NEBL: variants seen among roughly 807,000 people sequenced by gnomAD.
The protein encoded by NEBL is LIM and SH3 protein 2.
A neutral mutation model predicts 140.2 loss-of-function variants in NEBL; 122 were observed. The observed-to-expected ratio is 0.87, with a 90% CI of 0.75 to 1.01. The LOEUF (loss-of-function observed/expected upper bound fraction) is 1.01, where lower values mean the gene tolerates loss of function less well. Among genes scored for constraint, NEBL ranks in the 50% least tolerant of loss-of-function variants. The pLI is 0.00. For synonymous variants in NEBL, 436 were observed against 398.9 expected (o/e 1.09, Z -1.11); for missense variants, 1,365 against 1,231.3 (o/e 1.11, Z -1.62).
chr10:21,057,110 A>G (rs910337874), intron 2 of NEBL, among the ~76,000 whole-genome samples: 1 of 152,184 alleles, frequency 6.6e-6, no homozygotes, highest in South Asian at 2.1e-4. Context: ...AGATAAAACA[A>G]GTGGTTAAGC....
intron 4 of NEBL, among the ~76,000 whole-genome samples, chr10:20,949,114 T>C (rs1835318587): frequency 6.6e-6 from 1 of 152,194 alleles, no homozygotes; most frequent in African/African-American, 2.4e-5. Context: ...ACTTCCTCTT[T>C]TCCTATTTGA....
chr10:21,048,920 G>A (rs1199821569), intron 2 of NEBL, among the ~76,000 whole-genome samples: 1 of 152,186 alleles, frequency 6.6e-6, no homozygotes, highest in Non-Finnish European at 1.5e-5. Flanking sequence ...GAGGCAGGGA[G>A]AATTGCTTGA....
At chr10:20,827,239 C>T (rs189246067) in intron 17 of NEBL, among the ~76,000 whole-genome samples, 3 of 152,266 alleles carry the variant, frequency 2.0e-5, no homozygotes, top group Admixed American at 1.3e-4. Flanking sequence ...AATCCAGTGG[C>T]CCCCGCGTGG....
intron 2 of NEBL, chr10:21,172,302 A>C (rs764103050): frequency 3.7e-6 from 4 of 1,077,070 alleles, no homozygotes; most frequent in Non-Finnish European, 4.3e-6. Flanking sequence ...ACAGTGAGTC[A>C]GTTCTTCAAA....
intron 20 of NEBL, chr10:20,818,789 G>A (rs1389027357): frequency 3.0e-6 from 3 of 986,936 alleles, no homozygotes; most frequent in Non-Finnish European, 3.6e-6. Flanking sequence ...ACACAGCTAA[G>A]GTACAGCAAC....
At chr10:20,954,780 G>T (rs1459537512) in intron 4 of NEBL, among the ~76,000 whole-genome samples, 1 of 152,166 alleles carries the variant, frequency 6.6e-6, no homozygotes, top group African/African-American at 2.4e-5. Flanking sequence ...GGGCAGGCTG[G>T]TTGGAGTTTT....
intron 2 of NEBL, among the ~76,000 whole-genome samples, chr10:21,024,080 A>C (rs559163413): frequency 1.3e-5 from 2 of 152,226 alleles, no homozygotes; most frequent in East Asian, 3.9e-4. Context: ...AAAAAAAAAA[A>C]AACATTGAAA....
chr10:20,901,278 G>C (rs1847858600), upstream of NEBL, among the ~76,000 whole-genome samples: 1 of 152,082 alleles, frequency 6.6e-6, no homozygotes, highest in African/African-American at 2.4e-5. Flanking sequence ...TTACACGTAA[G>C]CAAATGTATT....
intron 26 of NEBL, among the ~76,000 whole-genome samples, chr10:20,806,668 A>C (rs1333420710): frequency 6.6e-6 from 1 of 152,186 alleles, no homozygotes; most frequent in African/African-American, 2.4e-5. Context: ...CCAGCCTCTA[A>C]GCCCCTTACA....
At position 20,788,216 on chromosome 10, in the gene NEBL, A is replaced by G. The variant is rs1200464836; in HGVS notation, c.2762-908T>C. ...CTGTGACCAGAAACATGAGCTATAA[A>G]TGAGGGTATTTTCGTAGCGTGCCCT... On this transcript the variant is annotated intron_variant, in intron 26 of 27. Transcript: ENST00000377122. Among the ~76,000 whole-genome samples, 3 of 152,188 alleles carry G rather than the reference A, an allele frequency of 2.0e-5. No individual in the cohort carries two copies. In the East Asian group the frequency reaches 5.8e-4, roughly 29 times the overall value.
chr10:20,996,000 T>G (rs1028851548), intron 3 of NEBL, among the ~76,000 whole-genome samples: 2 of 152,180 alleles, frequency 1.3e-5, no homozygotes, highest in African/African-American at 4.8e-5. Context: ...TTTATAAGAT[T>G]CCTTCTGTGG....
At chr10:21,021,500 C>T (rs1441831184) in intron 2 of NEBL, among the ~76,000 whole-genome samples, 1 of 152,196 alleles carries the variant, frequency 6.6e-6, no homozygotes, top group Non-Finnish European at 1.5e-5. Flanking sequence ...CCTGAGTTCC[C>T]CCTTCTCGTT....
At chr10:20,947,241 C>A in intron 4 of NEBL, among the ~76,000 whole-genome samples, 1 of 152,152 alleles carries the variant, frequency 6.6e-6, no homozygotes, top group East Asian at 1.9e-4. Context: ...TCGGTGCTAG[C>A]CCTGAGTGTT....
intron 24 of NEBL, among the ~76,000 whole-genome samples, chr10:20,812,568 A>G (rs150729189): frequency 2.6e-5 from 4 of 151,928 alleles, no homozygotes; most frequent in Admixed American, 6.6e-5. Context: ...AATAGAAAAG[A>G]CTTGAGATGA....
intron 4 of NEBL, among the ~76,000 whole-genome samples, chr10:20,946,848 C>T (rs1835189615): frequency 6.6e-6 from 1 of 152,128 alleles, no homozygotes; most frequent in South Asian, 2.1e-4. Context: ...CAGCATTTAA[C>T]AAAGGATAAC....
At chr10:21,186,473 G>C (rs1841473830) in intron 3 of NEBL, among the ~76,000 whole-genome samples, 1 of 152,060 alleles carries the variant, frequency 6.6e-6, no homozygotes, top group Admixed American at 6.5e-5. Context: ...ACCAAAATCT[G>C]AGATGCTCCA....
At chr10:21,033,383 G>A (rs1833876347) in intron 2 of NEBL, among the ~76,000 whole-genome samples, 1 of 152,128 alleles carries the variant, frequency 6.6e-6, no homozygotes, top group African/African-American at 2.4e-5. Flanking sequence ...ATTATTTAAA[G>A]CCTAAAGATG....
intron 3 of NEBL, among the ~76,000 whole-genome samples, chr10:20,998,931 G>A: frequency 6.6e-6 from 1 of 152,250 alleles, no homozygotes; most frequent in Admixed American, 6.5e-5. Context: ...AGTTCTGGGG[G>A]CCGCCAACAA....
At chr10:21,021,213 G>T (rs556977857) in intron 2 of NEBL, among the ~76,000 whole-genome samples, 8 of 152,140 alleles carry the variant, frequency 5.3e-5, no homozygotes, top group Non-Finnish European at 7.3e-5. Context: ...GTATATATGT[G>T]TATATGTCTC....
Sources: gnomAD v4.1 joint callset for allele counts (sites outside exome capture counted in the v4.1 genomes callset) on GRCh38, gnomAD v4.1.1 for gene constraint, MANE v1.5 for transcripts, NCBI Gene and HGNC (gene_info 2026-07-23, HGNC 2026-07-21) for gene names.